Variants in PJA2 observed in about 807,000 individuals in gnomAD.
PJA2 encodes E3 ubiquitin-protein ligase Praja-2.
PJA2 carries 25 observed loss-of-function variants against 69.3 expected under a neutral mutation model. The ratio of observed to expected loss-of-function variants is 0.36; its 90% CI spans 0.26 to 0.50. The LOEUF is 0.50. Among genes scored for constraint, PJA2 ranks in the 20% least tolerant of loss-of-function variants. The probability of loss-of-function intolerance (pLI) is 0.96; values close to 1 mark genes in which losing one functional copy is unlikely to be tolerated. For synonymous variants in PJA2, 308 were observed against 277.8 expected, an observed-to-expected ratio of 1.11 and a Z score of -1.08; for missense variants, 809 against 830.2, an observed-to-expected ratio of 0.97 and a Z score of 0.31.
At chr5:109,358,585 G>A (rs1370752355) in intron 6 of PJA2, among the ~76,000 whole-genome samples, 3 of 152,128 alleles carry the variant, frequency 2.0e-5, no homozygotes, top group Admixed American at 6.6e-5. Context: ...TTGGGAGGCC[G>A]AGGTGGGCGG....
chr5:109,371,204 C>T (rs1762669701), intron 4 of PJA2, among the ~76,000 whole-genome samples: 1 of 152,150 alleles, frequency 6.6e-6, no homozygotes, highest in African/African-American at 2.4e-5. Context: ...TGATACCTAA[C>T]CCTCAATGCT....
intron 1 of PJA2, chr5:109,409,254 C>A (rs1467139468): frequency 6.6e-6 from 1 of 152,204 alleles, no homozygotes; most frequent in East Asian, 1.9e-4. Context: ...GGGAGTAGAG[C>A]GACTGCTGCG....
chr5:109,399,714 T>C (rs76309254), intron 1 of PJA2, among the ~76,000 whole-genome samples: 2,606 of 152,074 alleles, frequency 0.017, 79 homozygotes, highest in African/African-American at 0.059. Flanking sequence ...AGTCAAAAAT[T>C]ACAAGACAAA....
At chr5:109,407,010 T>C (rs1405339888) in intron 1 of PJA2, among the ~76,000 whole-genome samples, 6 of 152,190 alleles carry the variant, frequency 3.9e-5, no homozygotes, top group Non-Finnish European at 1.5e-5. Context: ...AAAAAGATGA[T>C]AAGTGCTTTC....
At chr5:109,392,263 G>C (rs1406391894) in intron 1 of PJA2, among the ~76,000 whole-genome samples, 2 of 152,014 alleles carry the variant, frequency 1.3e-5, no homozygotes, top group East Asian at 3.9e-4. Flanking sequence ...GAATAGGATA[G>C]AAAAAGTGTC....
intron 1 of PJA2, among the ~76,000 whole-genome samples, chr5:109,397,125 G>T (rs1324443149): frequency 6.6e-6 from 1 of 152,176 alleles, no homozygotes; most frequent in African/African-American, 2.4e-5. Flanking sequence ...GCTGTGTAAA[G>T]ACAAGCAACA....
chr5:109,351,208 G>A (rs1222420635), intron 7 of PJA2, among the ~76,000 whole-genome samples: 1 of 151,564 alleles, frequency 6.6e-6, no homozygotes, highest in African/African-American at 2.4e-5. Flanking sequence ...CAGTGACAAT[G>A]CCATAATAAA....
intron 5 of PJA2, among the ~76,000 whole-genome samples, chr5:109,364,612 G>T (rs1762556669): frequency 7.5e-6 from 1 of 132,474 alleles, no homozygotes; most frequent in Non-Finnish European, 1.7e-5. Flanking sequence ...GACAGAGCGA[G>T]ACTCTGTCTC....
chr5:109,383,019 C>T (rs1747085848), intron 2 of PJA2, among the ~76,000 whole-genome samples: 1 of 151,818 alleles, frequency 6.6e-6, no homozygotes, highest in Non-Finnish European at 1.5e-5. Context: ...TTATTTAATC[C>T]CATCAGTAAT....
intron 1 of PJA2, among the ~76,000 whole-genome samples, chr5:109,385,369 A>C (rs1484172977): frequency 6.6e-6 from 1 of 152,238 alleles, no homozygotes; most frequent in African/African-American, 2.4e-5. Flanking sequence ...AATACAATCA[A>C]CAAAATTTAC....
chr5:109,356,898 G>C (rs2126995882), intron 6 of PJA2, among the ~76,000 whole-genome samples: 1 of 151,964 alleles, frequency 6.6e-6, no homozygotes, highest in East Asian at 1.9e-4. Flanking sequence ...GTCTCACTTT[G>C]GTCCTACTCT....
At chr5:109,347,948 G>C (rs774506359) in intron 7 of PJA2, among the ~76,000 whole-genome samples, 2 of 152,134 alleles carry the variant, frequency 1.3e-5, no homozygotes, top group Non-Finnish European at 2.9e-5. Flanking sequence ...TTCATATTAA[G>C]AGTGGTCCCG....
intron 7 of PJA2, among the ~76,000 whole-genome samples, chr5:109,346,334 G>T (rs77741276): frequency 1.1e-4 from 17 of 152,134 alleles, no homozygotes; most frequent in Non-Finnish European, 2.2e-4. Flanking sequence ...ACAGCTGCTA[G>T]AGAAAACAGC....
chr5:109,383,572 C>T (rs1013255626), intron 1 of PJA2, 52 bp from the exon 2 acceptor site: 14 of 627,256 alleles, frequency 2.2e-5, no homozygotes, highest in Non-Finnish European at 3.6e-5. Context: ...ACAAAAATAG[C>T]AAAACTGATA....
At chr5:109,350,852 G>C (rs957178948) in intron 7 of PJA2, among the ~76,000 whole-genome samples, 1 of 152,248 alleles carries the variant, frequency 6.6e-6, no homozygotes, top group South Asian at 2.1e-4. Flanking sequence ...CAAGGGGCCC[G>C]TGGGTATGGA....
intron 1 of PJA2, among the ~76,000 whole-genome samples, chr5:109,406,651 C>T (rs1242008045): frequency 6.6e-6 from 1 of 152,264 alleles, no homozygotes; most frequent in African/African-American, 2.4e-5. Context: ...TACAACCCAA[C>T]AAGTTCCATG....
At chr5:109,387,330 A>G (rs1271067674) in intron 1 of PJA2, among the ~76,000 whole-genome samples, 1 of 152,178 alleles carries the variant, frequency 6.6e-6, no homozygotes, top group African/African-American at 2.4e-5. Flanking sequence ...TCTAAGTATA[A>G]AAAATAAGAA....
At chr5:109,396,419 GTTCTT>G (rs1747410883) in intron 1 of PJA2, among the ~76,000 whole-genome samples, 1 of 130,770 alleles carries the variant, frequency 7.6e-6, no homozygotes, top group South Asian at 2.4e-4. Context: ...AACATGTAAA[GTTCTT>G]TTTTTTTTTT....
At chr5:109,383,686 C>CT (rs1747099409) in intron 1 of PJA2, among the ~76,000 whole-genome samples, 166 bp from the exon 2 acceptor site, 1 of 152,186 alleles carries the variant, frequency 6.6e-6, no homozygotes, top group African/African-American at 2.4e-5. Context: ...GATTACAGCA[C>CT]TTTGGCAGGC....
Sources: gnomAD v4.1 joint callset for allele counts (sites outside exome capture counted in the v4.1 genomes callset) on GRCh38, gnomAD v4.1.1 for gene constraint, MANE v1.5 for transcripts, NCBI Gene and HGNC (gene_info 2026-07-23, HGNC 2026-07-21) for gene names.